KLHL3: variants seen among roughly 807,000 people sequenced by gnomAD.
KLHL3 encodes kelch-like protein 3.
KLHL3 carries 19 observed loss-of-function variants against 70.5 expected under a neutral mutation model. The observed-to-expected ratio is 0.27, with a 90% CI of 0.19 to 0.40. The LOEUF is 0.40. Ranked by LOEUF, KLHL3 falls within the 10% of genes least tolerant of loss-of-function variation. The pLI, the probability that KLHL3 is intolerant of heterozygous loss-of-function variation, is 1.00. For synonymous variants in KLHL3, 258 were observed against 290.3 expected, an observed-to-expected ratio of 0.89 and a Z score of 1.13; for missense variants, 512 against 771.1, an observed-to-expected ratio of 0.66 and a Z score of 3.98.
Position 137,698,390 on chromosome 5 carries a change from T to G in KLHL3, c.260A>C (p.Lys87Thr). Residue 87 changes from lysine to threonine, a missense_variant, in exon 4 of 15, where the codon AAA becomes ACA. Transcript: ENST00000309755. ...GTCCTTGATTTCTATCTTTTTGGCT[T>G]TACTCTCAGACATGTCACCTAGAGT... ...AMFTGDMSES[K>T]AKKIEIKDVD... The G allele has an allele frequency of 6.2e-7, 1 of 1,614,166 alleles. No homozygotes were observed. Among genetic ancestry groups the G allele is most frequent in the South Asian group, 1.1e-5 (1 of 91,078 alleles).
At chr5:137,670,127 T>G (rs1751716202) in intron 6 of KLHL3, among the ~76,000 whole-genome samples, 1 of 152,148 alleles carries the variant, frequency 6.6e-6, no homozygotes, top group African/African-American at 2.4e-5. Context: ...AATCTACATC[T>G]TCAAGAAACC....
chr5:137,735,344 GA>G (rs1753244211), intron 1 of KLHL3, among the ~76,000 whole-genome samples: 1 of 152,222 alleles, frequency 6.6e-6, no homozygotes, highest in Admixed American at 6.5e-5. Context: ...AGCCTGTGCT[GA>G]AACTATTCCC....
intron 5 of KLHL3, among the ~76,000 whole-genome samples, chr5:137,685,280 T>C (rs1191355023): frequency 6.6e-6 from 1 of 152,202 alleles, no homozygotes; most frequent in African/African-American, 2.4e-5. Flanking sequence ...ATAAAAAAAC[T>C]GGAAACATTA....
chr5:137,714,313 A>C (rs774356751), intron 2 of KLHL3, among the ~76,000 whole-genome samples: 18 of 152,114 alleles, frequency 1.2e-4, no homozygotes, highest in Non-Finnish European at 2.4e-4. Context: ...ATATGACCCA[A>C]TAATCCCACT....
At chr5:137,701,996 G>C (rs1028665543) in intron 3 of KLHL3, among the ~76,000 whole-genome samples, 21 of 152,170 alleles carry the variant, frequency 1.4e-4, no homozygotes, top group Admixed American at 1.2e-3. Flanking sequence ...CTCTAGGGCA[G>C]ATATTTGCTC....
chr5:137,711,776 T>C (rs1752796649), intron 2 of KLHL3, among the ~76,000 whole-genome samples: 1 of 152,194 alleles, frequency 6.6e-6, no homozygotes, highest in Non-Finnish European at 1.5e-5. Flanking sequence ...AGGTGCCATC[T>C]GAAAATGGCC....
rs368340637 is a variant in KLHL3 at position 137,628,394 on chromosome 5, A to G, written c.1494T>C (p.His498=). The G allele has an allele frequency of 1.7e-5, 28 of 1,614,056 alleles. No homozygotes were observed. In the African/African-American group the frequency reaches 3.3e-4, roughly 19 times the overall value. Residue 498 remains histidine, a synonymous_variant, in exon 13 of 15, where the codon CAT becomes CAC. Coordinates refer to ENST00000309755, the MANE Select transcript of KLHL3 (RefSeq NM_017415.3). ...LSGQLYATGG[H]DGPLVRKSVE... ...CGCTCTTCCTCACCAAAGGCCCATC[A>G]TGCCCACCTGTGGCGTACAGCTGTC...
chr5:137,652,750 T>C (rs1751234201), intron 8 of KLHL3, among the ~76,000 whole-genome samples: 1 of 152,194 alleles, frequency 6.6e-6, no homozygotes, highest in South Asian at 2.1e-4. Flanking sequence ...TAGTACAACG[T>C]GGTGACTATA....
chr5:137,649,309 A>G (rs1440470621), intron 8 of KLHL3, among the ~76,000 whole-genome samples: 1 of 152,234 alleles, frequency 6.6e-6, no homozygotes, highest in Non-Finnish European at 1.5e-5. Flanking sequence ...AGGTTATAAA[A>G]ACACTACAGC....
At chr5:137,706,955 TA>T (rs1752697407) in intron 3 of KLHL3, among the ~76,000 whole-genome samples, 1 of 152,046 alleles carries the variant, frequency 6.6e-6, no homozygotes, top group East Asian at 1.9e-4. Context: ...AAGAGAAGTA[TA>T]AAGTACCATG....
At chr5:137,698,226 G>A (rs1007788255) in intron 4 of KLHL3, 61 bp downstream of exon 4, 35 of 1,583,016 alleles carry the variant, frequency 2.2e-5, no homozygotes, top group Admixed American at 1.4e-4. Context: ...ATAAAATAAC[G>A]CTGTAAAATG....
At chr5:137,660,466 T>C (rs895520725) in intron 7 of KLHL3, among the ~76,000 whole-genome samples, 127 of 152,262 alleles carry the variant, frequency 8.3e-4, no homozygotes, top group African/African-American at 2.9e-3. Context: ...TCAGGCAAGT[T>C]CACTTCCTCC....
chr5:137,719,268 C>T (rs906441761), intron 2 of KLHL3, among the ~76,000 whole-genome samples: 3 of 152,228 alleles, frequency 2.0e-5, no homozygotes, highest in Non-Finnish European at 4.4e-5. Context: ...ATATTTTTTA[C>T]TTTGTACCCC....
At chr5:137,667,430 C>T (rs1751640075) in intron 6 of KLHL3, among the ~76,000 whole-genome samples, 1 of 152,148 alleles carries the variant, frequency 6.6e-6, no homozygotes, top group African/African-American at 2.4e-5. Flanking sequence ...GATTAATGTC[C>T]TAGAACCAAT....
chr5:137,679,648 C>T (rs1311271086), intron 5 of KLHL3, among the ~76,000 whole-genome samples: 1 of 152,310 alleles, frequency 6.6e-6, no homozygotes, highest in East Asian at 1.9e-4. Flanking sequence ...AATTAGAAAT[C>T]CTTAGAGATA....
At chr5:137,672,791 G>A (rs1249778045) in intron 6 of KLHL3, 4 of 152,212 alleles carry the variant, frequency 2.6e-5, no homozygotes, top group Non-Finnish European at 5.9e-5. Flanking sequence ...TGTCCCAGAA[G>A]GTTGTTTATT....
intron 8 of KLHL3, chr5:137,653,172 C>T (rs1372158472): frequency 6.6e-6 from 1 of 151,846 alleles, no homozygotes; most frequent in Non-Finnish European, 1.5e-5. Flanking sequence ...ATGGCATGAA[C>T]CCGGGAGGCA....
intron 4 of KLHL3, among the ~76,000 whole-genome samples, chr5:137,696,406 C>G (rs1752446112): frequency 6.6e-6 from 1 of 152,240 alleles, no homozygotes; most frequent in African/African-American, 2.4e-5. Context: ...TGAATTTTGA[C>G]TCCTCCACTT....
At chr5:137,637,193 G>A in intron 11 of KLHL3, 101 bp downstream of exon 11, 1 of 930,170 alleles carries the variant, frequency 1.1e-6, no homozygotes, top group Non-Finnish European at 1.7e-6. Flanking sequence ...GTGATCTCAG[G>A]AAAAAAAACA....
Sources: gnomAD v4.1 joint callset for allele counts (sites outside exome capture counted in the v4.1 genomes callset) on GRCh38, gnomAD v4.1.1 for gene constraint, MANE v1.5 for transcripts, NCBI Gene and HGNC (gene_info 2026-07-23, HGNC 2026-07-21) for gene names.